The following USP17L7 variants were observed in gnomAD, a reference collection of about 807,000 sequenced individuals.
USP17L7 encodes the protein inactive ubiquitin carboxyl-terminal hydrolase 17-like protein 7.
USP17L7 carries 53 observed loss-of-function variants against 37.6 expected under a neutral mutation model. That is an observed-to-expected ratio of 1.41 (90% CI 1.13 to 1.77). The LOEUF (loss-of-function observed/expected upper bound fraction) is 1.77, where lower values mean the gene tolerates loss of function less well. USP17L7 is among the 40% of genes most tolerant of loss of function. USP17L7 has a pLI of 0.00. For synonymous variants in USP17L7, 330 were observed against 251.0 expected, an observed-to-expected ratio of 1.31 and a Z score of -2.98; for missense variants, 914 against 645.0, an observed-to-expected ratio of 1.42 and a Z score of -4.52.
In USP17L7 at chr8:12,132,711, G is replaced by T. The variant is rs773610939; in HGVS notation, c.1299C>A (p.Thr433=). 2.6e-6 allele frequency: 4 copies of T among 1,544,524 alleles called. 1 individual carries two copies. In the South Asian group the frequency reaches 3.7e-5, roughly 14 times the overall value. The change falls in exon 1 of 1, where the codon ACC becomes ACA. Residue 433 remains threonine, a synonymous_variant. Coordinates refer to ENST00000530447, the MANE Select transcript of USP17L7 (RefSeq NM_001256869.2). ...CTTGGGGGAATTTCCAGTGGTCTAA[G>T]GTGCTTTCCTGAGTGGCTCTTTCCA... ...HLVERATQES[T]LDHWKFPQEQ...
Position 12,133,751 on chromosome 8 carries a change from T to G in USP17L7, c.259A>C (p.Asn87His), listed in dbSNP as rs1183571959. 1.4e-6 allele frequency: 2 copies of G among 1,432,090 alleles called. No homozygotes were observed. The highest frequency in any genetic ancestry group is 5.3e-5 in the East Asian group (2 of 38,042). The allele number at this position is 1,432,090 out of a possible 1,614,324, so 88.7% of individuals were successfully genotyped here. A position where few individuals can be genotyped will look rare whatever the true frequency, so the allele number is the denominator to read the frequency against. ...AGGGAAACGTTCACATAGAAGGTAT[T>G]TCCTATCTTCTGGAGCCCAGCCCCC... ...AVGAGLQKIG[N>H]TFYVNVSLQC... is the part of the protein sequence containing the mutation. Residue 87 changes from asparagine (N) to histidine (H), a missense_variant, in exon 1 of 1, where the codon AAT (asparagine) becomes CAT (histidine). Physicochemically the swap from Asn to His is moderately conservative, Grantham distance 68 (BLOSUM62 1). Coordinates refer to ENST00000530447, the MANE Select transcript of USP17L7 (RefSeq NM_001256869.2).
chr8:12,133,702 G>A lies in USP17L7; in HGVS notation c.308C>T (p.Pro103Leu), dbSNP rs183320421. Residue 103 changes from proline (P) to leucine (L), a missense_variant, in exon 1 of 1, where the codon CCG becomes CTG. Physicochemically the swap from Pro to Leu is moderately conservative, Grantham distance 98 (BLOSUM62 -3). Transcript: ENST00000530447. ...CCGGGACAGCATGTAGTTGGAAAGC[G>A]GCAGTGTGTATGTCAGGCACTGCAG... is the stretch of plus-strand genomic sequence containing the variant. ...VSLQCLTYTLPLSNYMLSRED... is the reference protein window; with the variant it reads ...VSLQCLTYTLLLSNYMLSRED... 2.5e-5 allele frequency: 32 copies of A among 1,284,754 alleles called. No homozygotes were observed. The highest frequency in any genetic ancestry group is 7.4e-5 in the African/African-American group (5 of 67,524). 79.6% of individuals were successfully genotyped at this position (1,284,754 alleles called of 1,614,324 possible).
chr8:12,133,719 G>T lies in USP17L7; in HGVS notation c.291C>A (p.Cys97Ter), dbSNP rs577655176. 6.1e-6 allele frequency: 8 copies of T among 1,322,212 alleles called. No individual in the cohort carries two copies. The highest frequency in any genetic ancestry group is 2.6e-5 in the South Asian group (2 of 75,836). 81.9% of individuals were successfully genotyped at this position (1,322,212 alleles called of 1,614,324 possible). A position where few individuals can be genotyped will look rare whatever the true frequency, so the allele number is the denominator to read the frequency against. ...TGGAAAGCGGCAGTGTGTATGTCAG[G>T]CACTGCAGGGAAACGTTCACATAGA... ...NTFYVNVSLQ[C>*]LTYTLPLSNY... Residue 97 changes from cysteine to a stop codon, truncating the protein, a stop_gained, in exon 1 of 1, where the codon TGC becomes TGA. Transcript: ENST00000530447. LOFTEE classifies it high-confidence loss of function.
rs1463756256 is a variant in USP17L7, at chr8:12,133,975, C to T, written c.35G>A (p.Trp12Ter). The T allele has an allele frequency of 6.1e-6, 7 of 1,152,606 alleles. 1 individual carries two copies. Among genetic ancestry groups the T allele is most frequent in the East Asian group, 5.4e-5 (2 of 36,796 alleles). 71.4% of individuals were successfully genotyped at this position (1,152,606 alleles called of 1,614,324 possible). Residue 12 changes from tryptophan to a stop codon, truncating the protein, a stop_gained, in exon 1 of 1, where the codon TGG (tryptophan) becomes TAG (stop). Transcript: ENST00000530447. LOFTEE classifies it high-confidence loss of function. Reference protein sequence around the residue: ...EDDSLYLGGDWQFNHFSKLTS... With the variant: ...EDDSLYLGGD Reference sequence around the variant, plus strand: ...GAGTTTTGAAAAGTGATTGAACTGCCAGTCACCTCCCAAATAGAGTGAGTC... The same window carrying T: ...GAGTTTTGAAAAGTGATTGAACTGCTAGTCACCTCCCAAATAGAGTGAGTC...
chr8:12,132,453 G>T lies in USP17L7; in HGVS notation c.1557C>A (p.Asn519Lys), dbSNP rs760745770. The change falls in exon 1 of 1, where the codon AAC becomes AAA. Residue 519 changes from asparagine (N) to lysine (K), a missense_variant. Coordinates refer to ENST00000530447, the MANE Select transcript of USP17L7 (RefSeq NM_001256869.2). ...CAAGCAGAGATCTCTTGCTGTGTTT[G>T]TTATTCCCTTTGGATCTCCTGGTGC... Reference protein sequence around the residue: ...QGSTRRSKGNNKHSKRSLLVC... With the variant: ...QGSTRRSKGNKKHSKRSLLVC... The T allele has an allele frequency of 2.8e-6, 4 of 1,442,424 alleles. 1 individual carries two copies. Among genetic ancestry groups the T allele is most frequent in the African/African-American group, 1.4e-5 (1 of 70,336 alleles). The allele number at this position is 1,442,424 out of a possible 1,614,324, so 89.4% of individuals were successfully genotyped here.
At position 12,133,676 on chromosome 8, in the gene USP17L7, C is replaced by G. The variant is rs567032274; in HGVS notation, c.334G>C (p.Glu112Gln). The G allele has an allele frequency of 5.8e-5, 72 of 1,251,030 alleles. 3 individuals carry two copies. Among genetic ancestry groups the G allele is most frequent in the Non-Finnish European group, 8.2e-5 (72 of 874,780 alleles). 77.5% of individuals were successfully genotyped at this position (1,251,030 alleles called of 1,614,324 possible). A position where few individuals can be genotyped will look rare whatever the true frequency, so the allele number is the denominator to read the frequency against. ...TGAAGATGACACGTTTGAGAGTCCT[C>G]CCGGGACAGCATGTAGTTGGAAAGC... ...LPLSNYMLSR[E>Q]DSQTCHLHKC... is the part of the protein sequence containing the mutation. The change falls in exon 1 of 1, where the codon GAG (glutamate) becomes CAG (glutamine). Residue 112 changes from glutamate to glutamine, a missense_variant. Transcript: ENST00000530447.
Position 12,133,207 on chromosome 8 carries a change from G to A in USP17L7, c.803C>T (p.Thr268Ile). The A allele has an allele frequency of 1.3e-6, 2 of 1,505,972 alleles. No individual in the cohort carries two copies. Among genetic ancestry groups the A allele is most frequent in the Non-Finnish European group, 1.8e-6 (2 of 1,107,056 alleles). The allele number at this position is 1,505,972 out of a possible 1,614,324, so 93.3% of individuals were successfully genotyped here. A position where few individuals can be genotyped will look rare whatever the true frequency, so the allele number is the denominator to read the frequency against. The change falls in exon 1 of 1, where the codon ACT (threonine) becomes ATT (isoleucine). Residue 268 changes from threonine (T) to isoleucine (I), a missense_variant. Physicochemically the swap from Thr to Ile is moderately conservative, Grantham distance 89. Transcript: ENST00000530447. ...GAGGACCTTGGCAGAAGTGGGTAAA[G>A]TTAACGTCTTGGAGGCAGGCGCCTT... ...LQKAPASKTL[T>I]LPTSAKVLIL...
At position 12,132,652 on chromosome 8, in the gene USP17L7, C is replaced by T; in HGVS notation, c.1358G>A (p.Arg453Lys). ...GGGAGGCAGGGTACCTTCAACTTTT[C>T]TGACGTTGAACTCAGGCTTCGTTTT... ...QNKTKPEFNV[R>K]KVEGTLPPNV... is the part of the protein sequence containing the mutation. Residue 453 changes from arginine to lysine, a missense_variant, in exon 1 of 1, where the codon AGA becomes AAA. Coordinates refer to ENST00000530447, the MANE Select transcript of USP17L7 (RefSeq NM_001256869.2). The T allele has an allele frequency of 1.3e-6, 2 of 1,540,410 alleles. No homozygotes were observed. The highest frequency in any genetic ancestry group is 1.8e-6 in the Non-Finnish European group (2 of 1,136,244).
chr8:12,133,560 A>C lies in USP17L7; in HGVS notation c.450T>G (p.Ala150=), dbSNP rs1275653104. 1.4e-6 allele frequency: 2 copies of C among 1,401,856 alleles called. No individual in the cohort carries two copies. The highest frequency in any genetic ancestry group is 3.5e-5 in the Admixed American group (2 of 57,008). 86.8% of individuals were successfully genotyped at this position (1,401,856 alleles called of 1,614,324 possible). The change falls in exon 1 of 1, where the codon GCT becomes GCG. Residue 150 remains alanine, a synonymous_variant. Coordinates refer to ENST00000530447, the MANE Select transcript of USP17L7 (RefSeq NM_001256869.2). ...GHVIQPSQVL[A]AGFHRGEQED... ...CCTGCTCACCTCTATGGAAGCCAGC[A>C]GCCAATACCTGTGAGGGCTGGATGA...
Position 12,133,776 on chromosome 8 carries a change from C to G in USP17L7, c.234G>C (p.Val78=). The G allele has an allele frequency of 6.7e-7, 1 of 1,491,750 alleles. No homozygotes were observed. Among genetic ancestry groups the G allele is most frequent in the East Asian group, 2.6e-5 (1 of 38,444 alleles). 92.4% of individuals were successfully genotyped at this position (1,491,750 alleles called of 1,614,324 possible). The part of the protein sequence containing the change: ...LPLSSRRPAA[V]GAGLQKIGNT... ...TTCCTATCTTCTGGAGCCCAGCCCCCACCGCAGCAGGTCTCCTGCTACTCA... is the reference window on the plus strand; with the variant it reads ...TTCCTATCTTCTGGAGCCCAGCCCCGACCGCAGCAGGTCTCCTGCTACTCA... The change falls in exon 1 of 1, where the codon GTG becomes GTC. Residue 78 remains valine (V), a synonymous_variant. Coordinates refer to ENST00000530447, the MANE Select transcript of USP17L7 (RefSeq NM_001256869.2).
At position 12,133,179 on chromosome 8, in the gene USP17L7, A is replaced by G. The variant is rs377289436; in HGVS notation, c.831T>C (p.Ile277=). The part of the protein sequence containing the change: ...LTLPTSAKVL[I]LVLKRFSDVT... ...CATCGGAGAATCTCTTCAATACAAG[A>G]ATGAGGACCTTGGCAGAAGTGGGTA... Residue 277 remains isoleucine (I), a synonymous_variant, in exon 1 of 1, where the codon ATT becomes ATC. Transcript: ENST00000530447. 32,183 of 1,421,234 alleles carry G rather than the reference A, an allele frequency of 0.023. 1,850 individuals are homozygous for G. The highest frequency in any genetic ancestry group is 0.048 in the South Asian group (3,681 of 76,882). 88.0% of individuals were successfully genotyped at this position (1,421,234 alleles called of 1,614,324 possible).
At position 12,132,774 on chromosome 8, in the gene USP17L7, G is replaced by T. The variant is rs777310148; in HGVS notation, c.1236C>A (p.His412Gln). The change falls in exon 1 of 1, where the codon CAC (histidine) becomes CAA (glutamine). Residue 412 changes from histidine (H) to glutamine (Q), a missense_variant. His to Gln is a conservative substitution (Grantham distance 24). Coordinates refer to ENST00000530447, the MANE Select transcript of USP17L7 (RefSeq NM_001256869.2). ...CCAACTCGGGTACCTGGAGGCAAGG[G>T]TGGTCTCTCTTGAGCTCTCCTTGCG... ...PATQGELKRD[H>Q]PCLQVPELDE... 2.0e-5 allele frequency: 31 copies of T among 1,522,952 alleles called. 1 individual carries two copies. The highest frequency in any genetic ancestry group is 2.6e-5 in the Non-Finnish European group (29 of 1,119,204). The allele number at this position is 1,522,952 out of a possible 1,614,324, so 94.3% of individuals were successfully genotyped here. A position where few individuals can be genotyped will look rare whatever the true frequency, so the allele number is the denominator to read the frequency against.
Position 12,134,067 on chromosome 8 carries a change from C to A in USP17L7, c.-58G>T. Reference sequence around the variant, plus strand: ...GCTGGGACCGCAGGTTGCAGCAAGACGCTATCTCTTCCGAGAGAGTCTTCA... The same window carrying A: ...GCTGGGACCGCAGGTTGCAGCAAGAAGCTATCTCTTCCGAGAGAGTCTTCA... On this transcript the variant is annotated 5_prime_UTR_variant, in exon 1 of 1. Coordinates refer to ENST00000530447, the MANE Select transcript of USP17L7 (RefSeq NM_001256869.2). 1.2e-6 allele frequency: 1 copy of A among 826,568 alleles called. No individual in the cohort carries two copies. Among genetic ancestry groups the A allele is most frequent in the East Asian group, 2.8e-5 (1 of 35,842 alleles). 51.2% of individuals were successfully genotyped at this position (826,568 alleles called of 1,614,324 possible). A position where few individuals can be genotyped will look rare whatever the true frequency, so the allele number is the denominator to read the frequency against.
At position 12,133,766 on chromosome 8, in the gene USP17L7, G is replaced by T. The variant is rs751806728; in HGVS notation, c.244C>A (p.Leu82Ile). The change falls in exon 1 of 1, where the codon CTC (leucine) becomes ATC (isoleucine). Residue 82 changes from leucine (L) to isoleucine (I), a missense_variant. Leu to Ile is a conservative substitution (Grantham distance 5). Coordinates refer to ENST00000530447, the MANE Select transcript of USP17L7 (RefSeq NM_001256869.2). ...TAGAAGGTATTTCCTATCTTCTGGAGCCCAGCCCCCACCGCAGCAGGTCTC... is the reference window on the plus strand; with the variant it reads ...TAGAAGGTATTTCCTATCTTCTGGATCCCAGCCCCCACCGCAGCAGGTCTC... Reference protein sequence around the residue: ...SRRPAAVGAGLQKIGNTFYVN... With the variant: ...SRRPAAVGAGIQKIGNTFYVN... The T allele has an allele frequency of 2.0e-6, 3 of 1,475,240 alleles. No homozygotes were observed. The highest frequency in any genetic ancestry group is 1.3e-5 in the South Asian group (1 of 79,588). 91.4% of individuals were successfully genotyped at this position (1,475,240 alleles called of 1,614,324 possible).
rs563941093 is a variant in USP17L7, at chr8:12,132,697, T to G, written c.1313A>C (p.Lys438Thr). The change falls in exon 1 of 1, where the codon AAA (lysine) becomes ACA (threonine). Residue 438 changes from lysine to threonine, a missense_variant. By Grantham distance (78) the Lys-to-Thr change is moderately conservative (BLOSUM62 -1). Coordinates refer to ENST00000530447, the MANE Select transcript of USP17L7 (RefSeq NM_001256869.2). ...CGTTTTGTTTTGCTCTTGGGGGAAT[T>G]TCCAGTGGTCTAAGGTGCTTTCCTG... ...ATQESTLDHW[K>T]FPQEQNKTKP... is the part of the protein sequence containing the mutation. 1 of 1,544,714 alleles carries G rather than the reference T, an allele frequency of 6.5e-7. No individual in the cohort carries two copies. The highest frequency in any genetic ancestry group is 8.8e-7 in the Non-Finnish European group (1 of 1,139,608).
Position 12,133,096 on chromosome 8 carries a change from G to C in USP17L7, c.914C>G (p.Pro305Arg), listed in dbSNP as rs1357155595. 2.4e-5 allele frequency: 36 copies of C among 1,478,158 alleles called. 1 individual carries two copies. The highest frequency in any genetic ancestry group is 3.3e-5 in the Non-Finnish European group (36 of 1,081,934). The allele number at this position is 1,478,158 out of a possible 1,614,324, so 91.6% of individuals were successfully genotyped here. The stretch of plus-strand genomic sequence containing the variant: ...TCCTGTGTTCTGCTGAGACATGTAT[G>C]GCTGCATGTCACGGCACTTAGGATA... ...VQYPKCRDMQ[P>R]YMSQQNTGPL... The change falls in exon 1 of 1, where the codon CCA becomes CGA. Residue 305 changes from proline to arginine, a missense_variant. Pro to Arg is a moderately radical substitution (Grantham distance 103). Transcript: ENST00000530447.
In USP17L7 at chr8:12,134,005, T is replaced by C. The variant is rs770739509; in HGVS notation, c.5A>G (p.Glu2Gly). The stretch of plus-strand genomic sequence containing the variant: ...ACCTCCCAAATAGAGTGAGTCGTCT[T>C]CCATGTCGCCCGCAACAAGGATCAC... M[E>G]DDSLYLGGDW... Residue 2 changes from glutamate to glycine, a missense_variant, in exon 1 of 1, where the codon GAA becomes GGA. By Grantham distance (98) the Glu-to-Gly change is moderately conservative. Transcript: ENST00000530447. 4.9e-6 allele frequency: 5 copies of C among 1,030,370 alleles called. 1 individual carries two copies. The highest frequency in any genetic ancestry group is 7.4e-6 in the Non-Finnish European group (5 of 676,134). The allele number at this position is 1,030,370 out of a possible 1,614,324, so 63.8% of individuals were successfully genotyped here.
chr8:12,133,619 G>T lies in USP17L7; in HGVS notation c.391C>A (p.His131Asn). The change falls in exon 1 of 1, where the codon CAC becomes AAC. Residue 131 changes from histidine to asparagine, a missense_variant. Physicochemically the swap from His to Asn is moderately conservative, Grantham distance 68. Transcript: ENST00000530447. Reference sequence around the variant, plus strand: ...GGACTGTGGAGGGCCCATGTGATGTGAGCTTGCATAGTACAGAACATGCAG... The same window carrying T: ...GGACTGTGGAGGGCCCATGTGATGTTAGCTTGCATAGTACAGAACATGCAG... Reference protein sequence around the residue: ...KCCMFCTMQAHITWALHSPGH... With the variant: ...KCCMFCTMQANITWALHSPGH... The T allele has an allele frequency of 1.6e-6, 2 of 1,243,954 alleles. 1 individual carries two copies. The highest frequency in any genetic ancestry group is 2.3e-6 in the Non-Finnish European group (2 of 868,340). The allele number at this position is 1,243,954 out of a possible 1,614,324, so 77.1% of individuals were successfully genotyped here. A position where few individuals can be genotyped will look rare whatever the true frequency, so the allele number is the denominator to read the frequency against.
At position 12,133,932 on chromosome 8, in the gene USP17L7, A is replaced by G; in HGVS notation, c.78T>C (p.Asp26=). The G allele has an allele frequency of 7.1e-7, 1 of 1,409,590 alleles. No individual in the cohort carries two copies. The highest frequency in any genetic ancestry group is 9.8e-7 in the Non-Finnish European group (1 of 1,020,554). The allele number at this position is 1,409,590 out of a possible 1,614,324, so 87.3% of individuals were successfully genotyped here. A position where few individuals can be genotyped will look rare whatever the true frequency, so the allele number is the denominator to read the frequency against. Reference sequence around the variant, plus strand: ...TCCGCTGGATTTCAGCAAAAGCTGCATCTAGCCGAGAAGATGTGAGTTTTG... The same window carrying G: ...TCCGCTGGATTTCAGCAAAAGCTGCGTCTAGCCGAGAAGATGTGAGTTTTG... ...HFSKLTSSRL[D]AAFAEIQRTS... is the part of the protein sequence containing the mutation. Residue 26 remains aspartate, a synonymous_variant, in exon 1 of 1, where the codon GAT becomes GAC. Transcript: ENST00000530447.
Sources: allele counts gnomAD v4.1 joint callset, GRCh38; gene constraint gnomAD v4.1.1; transcripts MANE v1.5; gene names NCBI Gene and HGNC (gene_info 2026-07-23, HGNC 2026-07-21).